Variants in CTSW observed in about 807,000 individuals in gnomAD.
The protein encoded by CTSW is cathepsin W.
Under a neutral mutation model 43.8 loss-of-function variants are expected in CTSW, and 42 were observed. The ratio of observed to expected loss-of-function variants is 0.96; its 90% confidence interval spans 0.75 to 1.24. CTSW has a LOEUF of 1.24. CTSW is among the 50% of genes most tolerant of loss of function. CTSW has a pLI of 0.00. For missense variants in CTSW, 475 were observed against 479.9 expected (o/e 0.99, Z 0.09); for synonymous variants, 191 against 184.8 (o/e 1.03, Z -0.27).
rs1356807190 is a variant in CTSW, at chr11:65,879,925, G to A, written c.71G>A (p.Gly24Asp). The A allele has an allele frequency of 1.9e-6, 3 of 1,613,022 alleles. No homozygotes were observed. Among genetic ancestry groups the A allele is most frequent in the Non-Finnish European group, 2.5e-6 (3 of 1,179,646 alleles). The change falls in exon 1 of 10, where the codon GGC (glycine) becomes GAC (aspartate). Residue 24 changes from glycine to aspartate, a missense_variant. By Grantham distance (94) the Gly-to-Asp change is moderately conservative (BLOSUM62 -1). Coordinates refer to ENST00000307886, the MANE Select transcript of CTSW (RefSeq NM_001335.4). ...LVAGLAQGIR[G>D]PLRAQDLGPQ... is the part of the protein sequence containing the mutation. ...GCAGGCCTAGCCCAAGGCATCAGAG[G>A]CCCCCTTAGGGCCCAGGTAAGTGCT...
chr11:65,881,489 G>T lies in CTSW; in HGVS notation c.255G>T (p.Glu85Asp). The T allele has an allele frequency of 6.2e-7, 1 of 1,610,864 alleles. No individual in the cohort carries two copies. Among genetic ancestry groups the T allele is most frequent in the Admixed American group, 1.7e-5 (1 of 59,672 alleles). ...RLQEEDLGTAEFGVTPFSDLT... is the reference protein window; with the variant it reads ...RLQEEDLGTADFGVTPFSDLT... ...AGGAGGAGGACTTGGGCACAGCTGAGTTTGGGGTGACTCCATTCAGTGACC... is the reference window on the plus strand; with the variant it reads ...AGGAGGAGGACTTGGGCACAGCTGATTTTGGGGTGACTCCATTCAGTGACC... The change falls in exon 3 of 10, where the codon GAG becomes GAT. Residue 85 changes from glutamate to aspartate, a missense_variant. Coordinates refer to ENST00000307886, the MANE Select transcript of CTSW (RefSeq NM_001335.4).
At position 65,883,304 on chromosome 11, in the gene CTSW, C is replaced by T. The variant is rs1339614097; in HGVS notation, c.900C>T (p.Ser300=). The T allele has an allele frequency of 3.1e-6, 5 of 1,613,900 alleles. No homozygotes were observed. Among genetic ancestry groups the T allele is most frequent in the African/African-American group, 2.7e-5 (2 of 74,852 alleles). The change falls in exon 9 of 10, where the codon AGC becomes AGT. Residue 300 remains serine (S), a synonymous_variant. Coordinates refer to ENST00000307886, the MANE Select transcript of CTSW (RefSeq NM_001335.4). Reference sequence around the variant, plus strand: ...CTGTCCTGCTGGTGGGTTTTGGCAGCGTCAAGTCAGAGGAGGGGATATGGG... The same window carrying T: ...CTGTCCTGCTGGTGGGTTTTGGCAGTGTCAAGTCAGAGGAGGGGATATGGG... ...DHSVLLVGFG[S]VKSEEGIWAE... is the part of the protein sequence containing the mutation.
At chr11:65,882,944 G>C in intron 7 of CTSW, 40 bp downstream of exon 7, 1 of 1,612,946 alleles carries the variant, frequency 6.2e-7, no homozygotes, top group Non-Finnish European at 8.5e-7. Context: ...GGCAGGGACA[G>C]ACACCGGGGC....
At chr11:65,882,119 C>T in intron 3 of CTSW, 56 bp from the exon 4 acceptor site, 8 of 1,590,226 alleles carry the variant, frequency 5.0e-6, no homozygotes, top group Non-Finnish European at 6.9e-6. Flanking sequence ...GTGGGAGAGG[C>T]AGAACAGGGA....
At position 65,882,474 on chromosome 11, in the gene CTSW, A is replaced by AC; in HGVS notation, c.486_487insC (p.Glu163ArgfsTer50). The AC allele has an allele frequency of 6.2e-7, 1 of 1,614,134 alleles. No individual in the cohort carries two copies. Among genetic ancestry groups the AC allele is most frequent in the Non-Finnish European group, 8.5e-7 (1 of 1,180,004 alleles). Reference sequence around the variant, plus strand: ...GGGCCATGGCAGCGGCAGGCAACATAGAGACCCTGTGGCGCATCAGTTTCT... The same window carrying AC: ...GGGCCATGGCAGCGGCAGGCAACATACGAGACCCTGTGGCGCATCAGTTTCT... On this transcript the variant is annotated frameshift_variant, in exon 5 of 10. Transcript: ENST00000307886. LOFTEE classifies it high-confidence loss of function.
intron 7 of CTSW, 48 bp from the exon 8 acceptor site, chr11:65,883,021 G>A (rs745457846): frequency 2.5e-6 from 4 of 1,613,424 alleles, no homozygotes; most frequent in Non-Finnish European, 3.4e-6. Flanking sequence ...AGGAGCGAGA[G>A]ACCCACACAC....
Position 65,882,447 on chromosome 11 carries a change from C to T in CTSW, c.459C>T (p.Cys153=). Residue 153 remains cysteine, a synonymous_variant, in exon 5 of 10, where the codon TGC becomes TGT. Transcript: ENST00000307886. ...PIKDQKNCNC[C]WAMAAAGNIE... ...CCCTCCAGAAAAACTGCAACTGCTGCTGGGCCATGGCAGCGGCAGGCAACA... is the reference window on the plus strand; with the variant it reads ...CCCTCCAGAAAAACTGCAACTGCTGTTGGGCCATGGCAGCGGCAGGCAACA... 6.2e-7 allele frequency: 1 copy of T among 1,614,230 alleles called. No individual in the cohort carries two copies. The highest frequency in any genetic ancestry group is 8.5e-7 in the Non-Finnish European group (1 of 1,180,044).
At chr11:65,882,578 T>A (rs375768698) in intron 5 of CTSW, 31 bp from the exon 6 acceptor site, 1 of 1,614,162 alleles carries the variant, frequency 6.2e-7, no homozygotes, top group African/African-American at 1.3e-5. Context: ...CCTAGGGGCC[T>A]GGTCACCCAC....
chr11:65,881,475 T>C lies in CTSW; in HGVS notation c.241T>C (p.Leu81=), dbSNP rs763750031. The part of the protein sequence containing the change: ...AQAQRLQEED[L]GTAEFGVTPF... ...GGCTCAGAGGCTGCAGGAGGAGGAC[T>C]TGGGCACAGCTGAGTTTGGGGTGAC... Residue 81 remains leucine, a synonymous_variant, in exon 3 of 10, where the codon TTG becomes CTG. Coordinates refer to ENST00000307886, the MANE Select transcript of CTSW (RefSeq NM_001335.4). The C allele has an allele frequency of 6.2e-7, 1 of 1,611,812 alleles. No individual in the cohort carries two copies. The highest frequency in any genetic ancestry group is 8.5e-7 in the Non-Finnish European group (1 of 1,178,784).
In CTSW at chr11:65,882,521, T is replaced by A. The variant is rs746291354; in HGVS notation, c.533T>A (p.Val178Glu). The change falls in exon 5 of 10, where the codon GTG (valine) becomes GAG (glutamate). Residue 178 changes from valine to glutamate, a missense_variant. Val to Glu is a moderately radical substitution (Grantham distance 121). Coordinates refer to ENST00000307886, the MANE Select transcript of CTSW (RefSeq NM_001335.4). The stretch of plus-strand genomic sequence containing the variant: ...TTCTGGGATTTTGTGGATGTCTCCG[T>A]GCAGGGTAGGGTTGGGAGAGGGTGC... ...ISFWDFVDVS[V>E]QELLDCGRCG... is the part of the protein sequence containing the mutation. The A allele has an allele frequency of 6.2e-7, 1 of 1,614,180 alleles. No individual in the cohort carries two copies. Among genetic ancestry groups the A allele is most frequent in the South Asian group, 1.1e-5 (1 of 91,080 alleles).
At position 65,883,227 on chromosome 11, in the gene CTSW, G is replaced by A; in HGVS notation, c.823G>A (p.Gly275Ser). The A allele has an allele frequency of 2.5e-6, 4 of 1,613,656 alleles. No individual in the cohort carries two copies. The highest frequency in any genetic ancestry group is 1.3e-5 in the African/African-American group (1 of 74,958). The change falls in exon 9 of 10, where the codon GGT becomes AGT. Residue 275 changes from glycine to serine, a missense_variant. By Grantham distance (56) the Gly-to-Ser change is moderately conservative (BLOSUM62 0). Coordinates refer to ENST00000307886, the MANE Select transcript of CTSW (RefSeq NM_001335.4). Reference sequence around the variant, plus strand: ...CCACCCCCTGCAGCTATACCGGAAAGGTGTGATCAAGGCCACACCCACCAC... The same window carrying A: ...CCACCCCCTGCAGCTATACCGGAAAAGTGTGATCAAGGCCACACCCACCAC... Reference protein sequence around the residue: ...NMKPLQLYRKGVIKATPTTCD... With the variant: ...NMKPLQLYRKSVIKATPTTCD...
chr11:65,881,255 G>A (rs908624969), intron 2 of CTSW, 152 bp from the exon 3 acceptor site: 4 of 464,702 alleles, frequency 8.6e-6, no homozygotes, highest in Non-Finnish European at 1.5e-5. Flanking sequence ...CACTTCCTGG[G>A]CCTGGGTATC....
rs145070075 is a variant in CTSW, at chr11:65,881,427, A to T, written c.193A>T (p.Ile65Phe). 3.3e-5 allele frequency: 53 copies of T among 1,606,338 alleles called. No individual in the cohort carries two copies. In the African/African-American group the frequency reaches 6.1e-4, roughly 19 times the overall value. The change falls in exon 3 of 10, where the codon ATC becomes TTC. Residue 65 changes from isoleucine to phenylalanine, a missense_variant. Physicochemically the swap from Ile to Phe is conservative, Grantham distance 21 (BLOSUM62 0). Transcript: ENST00000307886. ...TCCAGAGCATGCTCACCGCCTGGAC[A>T]TCTTTGCCCACAACCTGGCCCAGGC... ...SPEEHAHRLD[I>F]FAHNLAQAQR...
Position 65,883,125 on chromosome 11 carries a change from C to T in CTSW, c.802C>T (p.Pro268Ser), listed in dbSNP as rs536157333. The stretch of plus-strand genomic sequence containing the variant: ...CATCACCGTGACCATCAACATGAAG[C>T]CCCTTCAGGTGAGATGGGGGAGCTG... ...GPITVTINMK[P>S]LQLYRKGVIK... The change falls in exon 8 of 10, where the codon CCC (proline) becomes TCC (serine). Residue 268 changes from proline to serine, a missense_variant. Physicochemically the swap from Pro to Ser is moderately conservative, Grantham distance 74. Transcript: ENST00000307886. 1.9e-6 allele frequency: 3 copies of T among 1,614,132 alleles called. No homozygotes were observed. In the East Asian group the frequency reaches 6.7e-5, roughly 36 times the overall value.
rs926258071 is a variant in CTSW at position 65,882,305 on chromosome 11, C to T, written c.417C>T (p.Ser139=). The T allele has an allele frequency of 3.7e-6, 6 of 1,613,994 alleles. No individual in the cohort carries two copies. The highest frequency in any genetic ancestry group is 2.7e-5 in the African/African-American group (2 of 74,922). The change falls in exon 4 of 10, where the codon AGC becomes AGT. Residue 139 remains serine (S), a synonymous_variant. Transcript: ENST00000307886. ...GCTGTGACTGGCGGAAGGTGGCCAG[C>T]GCCATCTCACCCATCAAGGACCAGG... ...PFSCDWRKVA[S]AISPIKDQKN...
chr11:65,883,468 T>G (rs768765954), intron 9 of CTSW, 40 bp from the exon 10 acceptor site: 3 of 1,611,598 alleles, frequency 1.9e-6, no homozygotes, highest in Non-Finnish European at 2.5e-6. Context: ...AGAACAGGCC[T>G]CTTCCCACCT....
At chr11:65,881,568 C>T in intron 3 of CTSW, 48 bp downstream of exon 3, 1 of 1,312,816 alleles carries the variant, frequency 7.6e-7, no homozygotes, top group Non-Finnish European at 1.1e-6. Context: ...GAAGCGATCT[C>T]CCCAGGGACA....
Position 65,881,802 on chromosome 11 carries a change from G to T in CTSW, c.286+282G>T, listed in dbSNP as rs72924792. 5.0e-3 allele frequency among the ~76,000 whole-genome samples: 757 copies of T among 152,252 alleles called. 4 individuals are homozygous for T. The highest frequency in any genetic ancestry group is 8.2e-3 in the Non-Finnish European group (556 of 68,008). The stretch of plus-strand genomic sequence containing the variant: ...AGGCTTGGCACCCTTGCCTTTTTGA[G>T]ACAGGGTCTTGCTCTGTTGTCCAGG... On this transcript the variant is annotated intron_variant, in intron 3 of 9. Transcript: ENST00000307886.
At chr11:65,880,647 T>G in intron 2 of CTSW, 2 of 233,222 alleles carry the variant, frequency 8.6e-6, no homozygotes, top group African/African-American at 2.4e-5. Flanking sequence ...GATGAAGAAA[T>G]CGAAGCTCAG....
Sources: allele counts gnomAD v4.1 joint callset (sites outside exome capture counted in the v4.1 genomes callset), GRCh38; gene constraint gnomAD v4.1.1; transcripts MANE v1.5; gene names NCBI Gene and HGNC (gene_info 2026-07-23, HGNC 2026-07-21).